Variants in GAL3ST1 observed in about 807,000 individuals in gnomAD.
GAL3ST1 encodes galactose-3-O-sulfotransferase 1.
A neutral mutation model predicts 25.0 loss-of-function variants in GAL3ST1; 13 were observed. The ratio of observed to expected loss-of-function variants is 0.52; its 90% CI spans 0.34 to 0.83. The LOEUF (loss-of-function observed/expected upper bound fraction) is 0.83, where lower values mean the gene tolerates loss of function less well. Among genes scored for constraint, GAL3ST1 ranks in the 40% least tolerant of loss-of-function variants. The probability of loss-of-function intolerance (pLI) is 0.02; values close to 1 mark genes in which losing one functional copy is unlikely to be tolerated. For missense variants in GAL3ST1, 474 were observed against 613.6 expected, an observed-to-expected ratio of 0.77 and a Z score of 2.40; for synonymous variants, 274 against 277.8, an observed-to-expected ratio of 0.99 and a Z score of 0.14.
At chr22:30,557,460 A>C in intron 2 of GAL3ST1, 59 bp from the exon 3 acceptor site, 1 of 1,594,246 alleles carries the variant, frequency 6.3e-7, no homozygotes, top group Non-Finnish European at 8.6e-7. Flanking sequence ...GGAGCCCCCA[A>C]GGCTGCCCAG....
At chr22:30,558,489 G>C (rs1052446462) in intron 1 of GAL3ST1, 101 bp from the exon 2 acceptor site, 1 of 152,214 alleles carries the variant, frequency 6.6e-6, no homozygotes, top group Non-Finnish European at 1.5e-5. Flanking sequence ...GCTGTCTATA[G>C]GGAAGGCCAA....
Position 30,554,895 on chromosome 22 carries a change from C to G in GAL3ST1, c.*58G>C, listed in dbSNP as rs1034729331. On this transcript the variant is annotated 3_prime_UTR_variant, in exon 4 of 4. Coordinates refer to ENST00000406361, the MANE Select transcript of GAL3ST1 (RefSeq NM_001318104.2). ...TGGGGGCGGCCAGCACCAGCGGCGT[C>G]CTGCTCAGCCCCTCTGCAGGGAGCG... 1 of 1,357,536 alleles carries G rather than the reference C, an allele frequency of 7.4e-7. No homozygotes were observed. Among genetic ancestry groups the G allele is most frequent in the Non-Finnish European group, 9.9e-7 (1 of 1,006,218 alleles). The allele number at this position is 1,357,536 out of a possible 1,614,324, so 84.1% of individuals were successfully genotyped here. A position where few individuals can be genotyped will look rare whatever the true frequency, so the allele number is the denominator to read the frequency against.
intron 1 of GAL3ST1, among the ~76,000 whole-genome samples, chr22:30,561,581 TGCTTTGTCCATGGCA>T (rs1459735147): frequency 6.6e-6 from 1 of 152,246 alleles, no homozygotes; most frequent in Non-Finnish European, 1.5e-5. Flanking sequence ...TGCTGCTTCC[TGCTTTGTCCATGGCA>T]GCCCCTGCCT....
chr22:30,573,466 T>C (rs1367459206), intron 1 of GAL3ST1, among the ~76,000 whole-genome samples: 1 of 152,244 alleles, frequency 6.6e-6, no homozygotes, highest in Non-Finnish European at 1.5e-5. Flanking sequence ...ACACAGTGAC[T>C]GCTCTGGTCC....
rs186839210 is a variant in GAL3ST1, at chr22:30,570,875, G to A, written c.-120+3591C>T. Among the ~76,000 whole-genome samples the A allele has an allele frequency of 2.4e-3, 366 of 151,670 alleles. 1 individual carries two copies. The highest frequency in any genetic ancestry group is 5.7e-4 in the Non-Finnish European group (39 of 67,968). ...TCATGTAGAGAAAAGTTGTACATTC[G>A]TACATGTGTATAAGGGTCTGGAAAG... is the stretch of plus-strand genomic sequence containing the variant. On this transcript the variant is annotated intron_variant, in intron 1 of 3. Coordinates refer to ENST00000406361, the MANE Select transcript of GAL3ST1 (RefSeq NM_001318104.2).
At position 30,558,010 on chromosome 22, in the gene GAL3ST1, A is replaced by G. The variant is rs568656389; in HGVS notation, c.-10+269T>C. Reference sequence around the variant, plus strand: ...GCCACGTTGCCTAGGCTGGTCTCGAACTCCTGGGCTCAAGCAATCCGCCCG... The same window carrying G: ...GCCACGTTGCCTAGGCTGGTCTCGAGCTCCTGGGCTCAAGCAATCCGCCCG... On this transcript the variant is annotated intron_variant, in intron 2 of 3. Transcript: ENST00000406361. Among the ~76,000 whole-genome samples, 5 of 151,852 alleles carry G rather than the reference A, an allele frequency of 3.3e-5. No individual in the cohort carries two copies. The South Asian group carries it at 8.3e-4, about 25-fold the overall frequency.
chr22:30,565,839 G>T (rs890665977), intron 1 of GAL3ST1, among the ~76,000 whole-genome samples: 1 of 152,160 alleles, frequency 6.6e-6, no homozygotes, highest in Non-Finnish European at 1.5e-5. Flanking sequence ...GGGTCTCCTT[G>T]TGCCCAGAAA....
chr22:30,555,872 G>A lies in GAL3ST1; in HGVS notation c.353C>T (p.Pro118Leu). 2 of 1,614,206 alleles carry A rather than the reference G, an allele frequency of 1.2e-6. No individual in the cohort carries two copies. Among genetic ancestry groups the A allele is most frequent in the Non-Finnish European group, 1.7e-6 (2 of 1,180,026 alleles). ...CACCAGGCTGCGGGCGAAGAAGGTC[G>A]GGTAGTCGAAGTCATTGCGGCCGTT... The part of the protein sequence containing the change: ...FPNGRNDFDY[P>L]TFFARSLVQD... Residue 118 changes from proline to leucine, a missense_variant, in exon 4 of 4, where the codon CCG becomes CTG. Pro to Leu is a moderately conservative substitution (Grantham distance 98). Coordinates refer to ENST00000406361, the MANE Select transcript of GAL3ST1 (RefSeq NM_001318104.2). This position sits in a 1 kb window ranked among gnomAD's most constrained non-coding sequence, Gnocchi z 8.6.
chr22:30,555,402 A>G lies in GAL3ST1; in HGVS notation c.823T>C (p.Tyr275His). The change falls in exon 4 of 4, where the codon TAC becomes CAC. Residue 275 changes from tyrosine to histidine, a missense_variant. Coordinates refer to ENST00000406361, the MANE Select transcript of GAL3ST1 (RefSeq NM_001318104.2). This position sits in a 1 kb window ranked among gnomAD's most constrained non-coding sequence, Gnocchi z 8.6. ...LLCWELEDVL[Y>H]FKLNARRDSP... ...TCGCGGCGGGCGTTGAGCTTGAAGT[A>G]GAGCACGTCCTCCAGCTCCCAGCAC... 6.2e-7 allele frequency: 1 copy of G among 1,609,862 alleles called. No individual in the cohort carries two copies. Among genetic ancestry groups the G allele is most frequent in the Middle Eastern group, 1.6e-4 (1 of 6,062 alleles).
intron 1 of GAL3ST1, among the ~76,000 whole-genome samples, chr22:30,564,421 C>G (rs1267124245): frequency 6.6e-6 from 1 of 152,208 alleles, no homozygotes; most frequent in African/African-American, 2.4e-5. Context: ...GGCAAGGATA[C>G]CTTTGGGGTA....
At chr22:30,572,390 C>T (rs1172996670) in intron 1 of GAL3ST1, among the ~76,000 whole-genome samples, 2 of 152,172 alleles carry the variant, frequency 1.3e-5, no homozygotes, top group South Asian at 4.1e-4. Context: ...GGCTCCACCA[C>T]CCCCCAAGCT....
chr22:30,568,647 G>C (rs1425002284), intron 1 of GAL3ST1, among the ~76,000 whole-genome samples: 1 of 152,206 alleles, frequency 6.6e-6, no homozygotes, highest in Non-Finnish European at 1.5e-5. Context: ...AGAGAGAAAA[G>C]CACATGCAAA....
intron 1 of GAL3ST1, chr22:30,565,986 G>T (rs2146413334): frequency 6.6e-6 from 1 of 152,308 alleles, no homozygotes; most frequent in East Asian, 1.9e-4. Context: ...CCCACACTAA[G>T]CACTTTCATA....
chr22:30,567,539 C>G (rs528312653), intron 1 of GAL3ST1, among the ~76,000 whole-genome samples: 151 of 151,202 alleles, frequency 1.0e-3, no homozygotes, highest in Non-Finnish European at 1.8e-3. Context: ...TCAGCCTCCC[C>G]AAGTGCTGGG....
intron 1 of GAL3ST1, among the ~76,000 whole-genome samples, chr22:30,559,481 T>C (rs562792189): frequency 9.3e-4 from 142 of 152,300 alleles, no homozygotes; most frequent in African/African-American, 3.3e-3. Context: ...CCTTGTGATC[T>C]GCCCACCTTG....
At chr22:30,556,188 G>T in intron 3 of GAL3ST1, 95 bp from the exon 4 acceptor site, 2 of 1,058,088 alleles carry the variant, frequency 1.9e-6, no homozygotes, top group Non-Finnish European at 2.7e-6. Flanking sequence ...GAACAGTGGT[G>T]GCAAAGGAGC....
intron 1 of GAL3ST1, among the ~76,000 whole-genome samples, chr22:30,559,863 G>A (rs935899360): frequency 2.0e-5 from 3 of 152,206 alleles, no homozygotes; most frequent in Admixed American, 6.5e-5. Flanking sequence ...TTCTACTCTT[G>A]TCCCGAACTT....
chr22:30,568,479 G>A (rs984115763), intron 1 of GAL3ST1, among the ~76,000 whole-genome samples: 5 of 152,158 alleles, frequency 3.3e-5, no homozygotes, highest in Non-Finnish European at 5.9e-5. Flanking sequence ...GGGCATGGGC[G>A]GAGCTGGGAG....
At chr22:30,560,180 TGTTA>T (rs2086312860) in intron 1 of GAL3ST1, 1 of 152,090 alleles carries the variant, frequency 6.6e-6, no homozygotes, top group Non-Finnish European at 1.5e-5. Context: ...TTAACAAATG[TGTTA>T]GTTAATTTGT....
Sources: gnomAD v4.1 joint callset for allele counts (sites outside exome capture counted in the v4.1 genomes callset) on GRCh38, gnomAD v4.1.1 for gene constraint, Gnocchi (gnomAD v3.1) non-coding constraint, MANE v1.5 for transcripts, NCBI Gene and HGNC (gene_info 2026-07-23, HGNC 2026-07-21) for gene names.